SMAP1: variants seen among roughly 807,000 people sequenced by gnomAD.
The protein encoded by SMAP1 is small ArfGAP 1, also known as stromal membrane-associated protein 1.
SMAP1 carries 24 observed loss-of-function variants against 58.5 expected under a neutral mutation model. That is an observed-to-expected ratio of 0.41 (90% CI 0.30 to 0.58). The LOEUF (loss-of-function observed/expected upper bound fraction) is 0.58. SMAP1 is among the 20% of genes least tolerant of loss of function. The pLI is 0.29. For missense variants in SMAP1, 563 were observed against 566.3 expected, an observed-to-expected ratio of 0.99 and a Z score of 0.06; for synonymous variants, 216 against 196.6, an observed-to-expected ratio of 1.10 and a Z score of -0.82.
At chr6:70,811,356 G>C (rs564820576) in intron 6 of SMAP1, among the ~76,000 whole-genome samples, 111 of 152,234 alleles carry the variant, frequency 7.3e-4, no homozygotes, top group African/African-American at 2.6e-3. Flanking sequence ...TGTCTTCAGA[G>C]ACATTGTTAA....
intron 7 of SMAP1, among the ~76,000 whole-genome samples, chr6:70,849,381 G>A (rs1771103282): frequency 6.6e-6 from 1 of 152,116 alleles, no homozygotes; most frequent in East Asian, 1.9e-4. Context: ...TGTTGTTTGT[G>A]TGAAATGCCA....
intron 1 of SMAP1, among the ~76,000 whole-genome samples, chr6:70,701,538 G>A (rs779606320): frequency 6.6e-6 from 1 of 152,170 alleles, no homozygotes; most frequent in Non-Finnish European, 1.5e-5. Flanking sequence ...TCAGGTTCTC[G>A]CTGCTGGGAT....
At chr6:70,699,135 C>G (rs189631502) in intron 1 of SMAP1, among the ~76,000 whole-genome samples, 55 of 152,342 alleles carry the variant, frequency 3.6e-4, no homozygotes, top group Admixed American at 3.5e-3. Context: ...CCCAGTAACA[C>G]TGACTCTTGC....
chr6:70,779,445 T>C (rs1023649792), intron 4 of SMAP1, among the ~76,000 whole-genome samples: 1 of 152,112 alleles, frequency 6.6e-6, no homozygotes, highest in South Asian at 2.1e-4. Context: ...TGAGATAGTT[T>C]AGTTGCGTGG....
chr6:70,857,568 C>G (rs924487077), intron 9 of SMAP1: 1 of 237,554 alleles, frequency 4.2e-6, no homozygotes, highest in African/African-American at 2.3e-5. Flanking sequence ...ATAGTCAGCT[C>G]TCACTTCCCT....
chr6:70,848,822 G>GTTA (rs1771082775), intron 7 of SMAP1, among the ~76,000 whole-genome samples: 1 of 152,174 alleles, frequency 6.6e-6, no homozygotes, highest in Non-Finnish European at 1.5e-5. Flanking sequence ...TAAATAATGT[G>GTTA]TTAAGCAAGC....
At chr6:70,794,989 C>T (rs568112832) in intron 5 of SMAP1, among the ~76,000 whole-genome samples, 15 of 152,028 alleles carry the variant, frequency 9.9e-5, no homozygotes, top group African/African-American at 2.4e-4. Context: ...GGGGTTTCAC[C>T]GTGTTAGCCC....
intron 7 of SMAP1, among the ~76,000 whole-genome samples, chr6:70,843,161 C>T (rs983893652): frequency 1.3e-5 from 2 of 151,262 alleles, no homozygotes; most frequent in South Asian, 2.1e-4. Context: ...CACTCCCCCC[C>T]CCCTTTTTAA....
At chr6:70,747,362 A>T (rs943945940) in intron 2 of SMAP1, among the ~76,000 whole-genome samples, 1 of 152,156 alleles carries the variant, frequency 6.6e-6, no homozygotes, top group African/African-American at 2.4e-5. Flanking sequence ...GTCGTGTTTG[A>T]GAAAGTAGTG....
chr6:70,846,755 A>G (rs888308622), intron 7 of SMAP1, among the ~76,000 whole-genome samples: 27 of 152,156 alleles, frequency 1.8e-4, no homozygotes, highest in Non-Finnish European at 3.2e-4. Flanking sequence ...AGGTAGGTCA[A>G]TGGTCATGTA....
chr6:70,775,434 C>G (rs1423030630), intron 4 of SMAP1, among the ~76,000 whole-genome samples: 4 of 151,848 alleles, frequency 2.6e-5, no homozygotes, highest in African/African-American at 9.7e-5. Context: ...GTTTTTTCCC[C>G]CCTTCAAGGT....
chr6:70,860,179 A>G (rs1771650038), intron 10 of SMAP1, 21 bp from the exon 11 acceptor site: 1 of 1,588,870 alleles, frequency 6.3e-7, no homozygotes, highest in Non-Finnish European at 8.6e-7. Context: ...TCTTGAACTA[A>G]GCCTTTTATA....
chr6:70,734,328 TAG>T (rs1324802619), intron 2 of SMAP1, among the ~76,000 whole-genome samples: 2 of 152,206 alleles, frequency 1.3e-5, no homozygotes, highest in Non-Finnish European at 2.9e-5. Flanking sequence ...GTATTTTTAT[TAG>T]AGGTGGGGTT....
chr6:70,668,635 C>G, intron 1 of SMAP1: 1 of 1,535,846 alleles, frequency 6.5e-7, no homozygotes, highest in Non-Finnish European at 8.7e-7. Context: ...CTAGATGGAG[C>G]CCTACCTGCC....
At chr6:70,697,577 A>T (rs146501302) in intron 1 of SMAP1, among the ~76,000 whole-genome samples, 5,101 of 152,132 alleles carry the variant, frequency 0.034, 263 homozygotes, top group African/African-American at 0.11. Context: ...AAGTGCTGGG[A>T]TTACAGGCGT....
In SMAP1 at chr6:70,798,721, C is replaced by A. The variant is rs1768717530; in HGVS notation, c.560C>A (p.Pro187Gln). ...REKEPEKPAK[P>Q]LTAEKLQKKD... ...AAGGAGCCAGAAAAGCCGGCAAAAC[C>A]ACTTACAGCTGAAAAGGTAAAATTC... Residue 187 changes from proline to glutamine, a missense_variant, in exon 6 of 11, where the codon CCA becomes CAA. Pro to Gln is a moderately conservative substitution (Grantham distance 76). Transcript: ENST00000370455. 6.4e-7 allele frequency: 1 copy of A among 1,556,720 alleles called. No homozygotes were observed. The highest frequency in any genetic ancestry group is 1.2e-5 in the South Asian group (1 of 80,158).
At chr6:70,858,285 ATCTTTTTT>A in intron 10 of SMAP1, 56 bp downstream of exon 10, 3 of 1,019,724 alleles carry the variant, frequency 2.9e-6, no homozygotes, top group Non-Finnish European at 2.6e-6. Context: ...TATTTTCTAA[ATCTTTTTT>A]TTTTTTTTTT....
intron 5 of SMAP1, among the ~76,000 whole-genome samples, chr6:70,796,020 T>C (rs749647120): frequency 2.0e-5 from 3 of 152,128 alleles, no homozygotes; most frequent in Admixed American, 2.0e-4. Context: ...TGAGCCACCA[T>C]GCCCGGCCTC....
intron 6 of SMAP1, among the ~76,000 whole-genome samples, chr6:70,828,699 T>A (rs559895748): frequency 6.6e-6 from 1 of 152,358 alleles, no homozygotes; most frequent in Admixed American, 6.5e-5. Context: ...CAGATTCATC[T>A]TTTATTCCTT....
Sources: gnomAD v4.1 joint callset for allele counts (sites outside exome capture counted in the v4.1 genomes callset) on GRCh38, gnomAD v4.1.1 for gene constraint, MANE v1.5 for transcripts, NCBI Gene and HGNC (gene_info 2026-07-23, HGNC 2026-07-21) for gene names.